KASH5: variants seen among roughly 807,000 people sequenced by gnomAD.
The protein encoded by KASH5 is KASH domain containing 5.
A neutral mutation model predicts 84.2 loss-of-function variants in KASH5; 72 were observed. The observed-to-expected ratio is 0.85, with a 90% CI of 0.71 to 1.04. The LOEUF (loss-of-function observed/expected upper bound fraction) is 1.04, where lower values mean the gene tolerates loss of function less well. Among genes scored for constraint, KASH5 ranks in the 50% least tolerant of loss-of-function variants. KASH5 has a pLI of 0.00. For synonymous variants in KASH5, 260 were observed against 279.1 expected, an observed-to-expected ratio of 0.93 and a Z score of 0.68; for missense variants, 650 against 701.0, an observed-to-expected ratio of 0.93 and a Z score of 0.82.
chr19:49,399,410 A>C lies in KASH5; in HGVS notation c.748-47A>C. ...GGTGGGAGAAGGGCAACATGGGGGC[A>C]AGGAGGCTAGAAATGAAACCTTTGT... On this transcript the variant is annotated intron_variant, in intron 8 of 19. Transcript: ENST00000447857. The surrounding 1 kb of genome is among the most constrained non-coding windows in gnomAD (Gnocchi z 4.4). 1.3e-6 allele frequency: 2 copies of C among 1,568,034 alleles called. No individual in the cohort carries two copies. Among genetic ancestry groups the C allele is most frequent in the Non-Finnish European group, 1.7e-6 (2 of 1,148,108 alleles).
intron 16 of KASH5, among the ~76,000 whole-genome samples, chr19:49,413,481 C>T (rs1230326199): frequency 1.3e-5 from 2 of 152,152 alleles, no homozygotes; most frequent in African/African-American, 2.4e-5. Flanking sequence ...CCCTGGCCTT[C>T]GGGCCTCTGG....
chr19:49,395,262 G>A lies in KASH5; in HGVS notation c.305G>A (p.Arg102His), dbSNP rs62623430. 1,147 of 1,613,266 alleles carry A rather than the reference G, an allele frequency of 7.1e-4. 1 individual carries two copies. Among genetic ancestry groups the A allele is most frequent in the Non-Finnish European group, 9.0e-4 (1,061 of 1,179,602 alleles). ...TTGGACACTTTCCTGGTTGTCATGC[G>A]TGACTGGATTGCTGCCTGTCAACTA... ...VDLDTFLVVMRDWIAACQLHG... is the reference protein window; with the variant it reads ...VDLDTFLVVMHDWIAACQLHG... Residue 102 changes from arginine (R) to histidine (H), a missense_variant, in exon 4 of 20, where the codon CGT becomes CAT. Transcript: ENST00000447857. The surrounding 1 kb of genome is among the most constrained non-coding windows in gnomAD (Gnocchi z 4.4).
chr19:49,410,457 G>A (rs1974673903), intron 15 of KASH5, among the ~76,000 whole-genome samples: 1 of 150,664 alleles, frequency 6.6e-6, no homozygotes, highest in Non-Finnish European at 1.5e-5. Context: ...CAAGTAGCTG[G>A]GATTACAGGA....
intron 9 of KASH5, among the ~76,000 whole-genome samples, chr19:49,405,334 G>A (rs1283893159): frequency 3.3e-5 from 5 of 151,598 alleles, no homozygotes; most frequent in African/African-American, 9.7e-5. Context: ...GCGTGTGCCC[G>A]TAATCCCAGC....
At chr19:49,390,729 A>T in intron 1 of KASH5, 60 bp from the exon 2 acceptor site, 1 of 757,506 alleles carries the variant, frequency 1.3e-6, no homozygotes, top group Non-Finnish European at 2.0e-6. Flanking sequence ...AGGTGGGGCT[A>T]GGCAGGCCCC....
chr19:49,403,699 C>A (rs897363192), intron 9 of KASH5, among the ~76,000 whole-genome samples: 2 of 152,126 alleles, frequency 1.3e-5, no homozygotes, highest in African/African-American at 4.8e-5. Flanking sequence ...GTAGATCCCT[C>A]GACAAAAGCA....
At chr19:49,391,025 G>C in intron 2 of KASH5, 99 bp downstream of exon 2, 1 of 1,375,926 alleles carries the variant, frequency 7.3e-7, no homozygotes. Flanking sequence ...AGAGGTGGCT[G>C]GGGGTGGCTG....
chr19:49,398,219 C>A (rs1974248809), intron 7 of KASH5, 76 bp downstream of exon 7: 4 of 1,342,872 alleles, frequency 3.0e-6, no homozygotes, highest in Non-Finnish European at 2.0e-6. Context: ...CTCTATCTCC[C>A]ATGCTCGTGT....
At chr19:49,388,437 C>G (rs1973878884) in intron 1 of KASH5, 110 bp downstream of exon 1, 1 of 152,284 alleles carries the variant, frequency 6.6e-6, no homozygotes, top group African/African-American at 2.4e-5. Context: ...GTCAGGGCCC[C>G]CCAGATCCTG....
chr19:49,401,655 A>G (rs1055747765), intron 9 of KASH5, among the ~76,000 whole-genome samples: 2 of 152,132 alleles, frequency 1.3e-5, no homozygotes, highest in African/African-American at 2.4e-5. Flanking sequence ...GGGTTAGGGG[A>G]AAACTCTGGG....
intron 17 of KASH5, among the ~76,000 whole-genome samples, chr19:49,415,912 T>C (rs1974890348): frequency 6.6e-6 from 1 of 152,126 alleles, no homozygotes; most frequent in Admixed American, 6.5e-5. Flanking sequence ...TCCTCATCTG[T>C]GTTAAAAAGG....
intron 5 of KASH5, among the ~76,000 whole-genome samples, chr19:49,396,454 A>G (rs1394455837): frequency 6.6e-6 from 1 of 152,004 alleles, no homozygotes; most frequent in African/African-American, 2.4e-5. Context: ...AGGTTTCTCC[A>G]TGTTGGTCAG....
At chr19:49,403,085 C>T (rs1974413167) in intron 9 of KASH5, among the ~76,000 whole-genome samples, 4 of 151,926 alleles carry the variant, frequency 2.6e-5, no homozygotes, top group South Asian at 4.1e-4. Flanking sequence ...AGGCTGGGCG[C>T]GGTGGCTCAC....
In KASH5 at chr19:49,395,005, C is replaced by A; in HGVS notation, c.149-101C>A. 2.2e-6 allele frequency: 2 copies of A among 904,166 alleles called. No individual in the cohort carries two copies. Among genetic ancestry groups the A allele is most frequent in the Non-Finnish European group, 3.3e-6 (2 of 613,290 alleles). The allele number at this position is 904,166 out of a possible 1,614,324, so 56.0% of individuals were successfully genotyped here. On this transcript the variant is annotated intron_variant, in intron 3 of 19. Transcript: ENST00000447857. This position sits in a 1 kb window ranked among gnomAD's most constrained non-coding sequence, Gnocchi z 4.4. ...TCCACTGGGCCATGGAGCAGGAGTG[C>A]CACCAGCCTAGCCAGTGACATCCTG...
intron 10 of KASH5, 99 bp from the exon 11 acceptor site, chr19:49,407,141 A>G (rs2122185710): frequency 7.0e-7 from 1 of 1,435,228 alleles, no homozygotes. Context: ...AGGAGGCTGA[A>G]TACGTGGGGG....
Position 49,395,070 on chromosome 19 carries a change from C to T in KASH5, c.149-36C>T. 6.5e-7 allele frequency: 1 copy of T among 1,550,274 alleles called. No individual in the cohort carries two copies. The highest frequency in any genetic ancestry group is 1.4e-5 in the African/African-American group (1 of 72,996). On this transcript the variant is annotated intron_variant, in intron 3 of 19. Coordinates refer to ENST00000447857, the MANE Select transcript of KASH5 (RefSeq NM_144688.5). This position sits in a 1 kb window ranked among gnomAD's most constrained non-coding sequence, Gnocchi z 4.4. ...CCAGTCCATACCCATCACTCCCCAC[C>T]TGCCCCAGACCCCCTCACTGCATGC...
At chr19:49,407,751 C>A in intron 12 of KASH5, 80 bp downstream of exon 12, 1 of 1,411,618 alleles carries the variant, frequency 7.1e-7, no homozygotes, top group Non-Finnish European at 9.8e-7. Context: ...GCCTCTCCTC[C>A]TCGTGCCTCT....
chr19:49,397,172 G>C (rs1334065072), intron 5 of KASH5, among the ~76,000 whole-genome samples: 2 of 152,160 alleles, frequency 1.3e-5, no homozygotes. Context: ...AGGGAGGGCT[G>C]CAAGCAGAGG....
In KASH5 at chr19:49,390,823, TC is replaced by T; in HGVS notation, c.-57del. 6.5e-7 allele frequency: 1 copy of T among 1,542,920 alleles called. No individual in the cohort carries two copies. The highest frequency in any genetic ancestry group is 2.4e-5 in the East Asian group (1 of 41,486). ...GGCCAGCTGGTCCTTTTCCCATCCC[TC>T]CCCATGAAGGAGGGAGGCTGGTAGC... On this transcript the variant is annotated 5_prime_UTR_variant, in exon 2 of 20. Transcript: ENST00000447857.
Sources: gnomAD v4.1 joint callset for allele counts (sites outside exome capture counted in the v4.1 genomes callset) on GRCh38, gnomAD v4.1.1 for gene constraint, Gnocchi (gnomAD v3.1) non-coding constraint, MANE v1.5 for transcripts, NCBI Gene and HGNC (gene_info 2026-07-23, HGNC 2026-07-21) for gene names.